The following ABCB10 variants were observed in gnomAD, a reference collection of about 807,000 sequenced individuals.
ABCB10 encodes ATP binding cassette subfamily B member 10.
Under a neutral mutation model 65.4 loss-of-function variants are expected in ABCB10, and 54 were observed. The observed-to-expected ratio is 0.83, with a 90% CI of 0.66 to 1.04. The LOEUF is 1.04. Among genes scored for constraint, ABCB10 ranks in the 50% least tolerant of loss-of-function variants. The pLI, the probability that ABCB10 is intolerant of heterozygous loss-of-function variation, is 0.00. For missense variants in ABCB10, 846 were observed against 976.6 expected, an observed-to-expected ratio of 0.87 and a Z score of 1.78; for synonymous variants, 418 against 406.5, an observed-to-expected ratio of 1.03 and a Z score of -0.34.
chr1:229,531,807 T>C, intron 6 of ABCB10, 76 bp from the exon 7 acceptor site: 2 of 1,111,732 alleles, frequency 1.8e-6, no homozygotes, highest in Non-Finnish European at 2.6e-6. Context: ...CTGAGAGGAG[T>C]GACAATGATT....
intron 1 of ABCB10, among the ~76,000 whole-genome samples, chr1:229,553,904 A>T (rs967551880): frequency 3.2e-4 from 49 of 152,224 alleles, no homozygotes; most frequent in African/African-American, 1.2e-3. Flanking sequence ...AGTAAACTAC[A>T]CACATATTCA....
chr1:229,535,388 A>G (rs1458398050), intron 6 of ABCB10, among the ~76,000 whole-genome samples: 2 of 152,240 alleles, frequency 1.3e-5, no homozygotes, highest in African/African-American at 4.8e-5. Context: ...ATGGAATATT[A>G]TTCAGTGCTA....
At chr1:229,535,037 T>TCAA (rs1662680078) in intron 6 of ABCB10, 1 of 63,564 alleles carries the variant, frequency 1.6e-5, no homozygotes, top group African/African-American at 8.5e-5. Context: ...GAGACTCCCT[T>TCAA]TAAAAAAAAA....
Position 229,527,117 on chromosome 1 carries a change from A to G in ABCB10, c.1725+112T>C. ...ATGTGAGATGAGCTTAATACATCCC[A>G]AAGACTTCCATTCCTTCTCTCTTGA... On this transcript the variant is annotated intron_variant, in intron 9 of 12. Transcript: ENST00000344517. 3 of 1,042,222 alleles carry G rather than the reference A, an allele frequency of 2.9e-6. No individual in the cohort carries two copies. The Admixed American group carries it at 6.6e-5, about 23-fold the overall frequency. The allele number at this position is 1,042,222 out of a possible 1,614,324, so 64.6% of individuals were successfully genotyped here. A position where few individuals can be genotyped will look rare whatever the true frequency, so the allele number is the denominator to read the frequency against.
chr1:229,547,881 C>G (rs1308659487), intron 2 of ABCB10, among the ~76,000 whole-genome samples, 180 bp from the exon 3 acceptor site: 1 of 152,170 alleles, frequency 6.6e-6, no homozygotes, highest in Non-Finnish European at 1.5e-5. Context: ...AAACCAGGCA[C>G]ATTAACTGTC....
intron 10 of ABCB10, among the ~76,000 whole-genome samples, 156 bp downstream of exon 10, chr1:229,525,780 C>T (rs1230424159): frequency 6.6e-6 from 1 of 151,950 alleles, no homozygotes; most frequent in Non-Finnish European, 1.5e-5. Context: ...TGCAGAGAGC[C>T]GAGATTGCGC....
intron 10 of ABCB10, among the ~76,000 whole-genome samples, chr1:229,524,517 G>T (rs1007523267): frequency 6.6e-6 from 1 of 152,082 alleles, no homozygotes; most frequent in East Asian, 1.9e-4. Context: ...AAAAAAAAAA[G>T]TGTTTAGCTG....
intron 6 of ABCB10, among the ~76,000 whole-genome samples, chr1:229,538,187 G>C (rs4148760): frequency 0.3 from 46,092 of 152,120 alleles, 8,775 homozygotes; most frequent in African/African-American, 0.54. Context: ...CCATTCTGTG[G>C]AAGGCACAGT....
chr1:229,558,173 G>C lies in ABCB10; in HGVS notation c.480C>G (p.Leu160=). 1 of 1,436,198 alleles carries C rather than the reference G, an allele frequency of 7.0e-7. No homozygotes were observed. Among genetic ancestry groups the C allele is most frequent in the South Asian group, 1.4e-5 (1 of 73,666 alleles). The allele number at this position is 1,436,198 out of a possible 1,614,324, so 89.0% of individuals were successfully genotyped here. A position where few individuals can be genotyped will look rare whatever the true frequency, so the allele number is the denominator to read the frequency against. ...GGCGCTCAGGGTACGCCAGCCCCAG[G>C]AGCTTCCGGGCCTCCGGGAGTCCGG... ...AAAGLPEARK[L]LGLAYPERRR... The change falls in exon 1 of 13, where the codon CTC becomes CTG. Residue 160 remains leucine (L), a synonymous_variant. Coordinates refer to ENST00000344517, the MANE Select transcript of ABCB10 (RefSeq NM_012089.3).
chr1:229,527,910 C>T (rs969096538), intron 8 of ABCB10, among the ~76,000 whole-genome samples: 30 of 152,172 alleles, frequency 2.0e-4, no homozygotes, highest in African/African-American at 5.5e-4. Context: ...CTTAAAATAT[C>T]CCTTTCTGTA....
intron 2 of ABCB10, among the ~76,000 whole-genome samples, chr1:229,549,011 A>G (rs374156284): frequency 2.0e-5 from 3 of 152,288 alleles, no homozygotes; most frequent in African/African-American, 7.2e-5. Context: ...TTGCCCTTAC[A>G]GCTCAACTTC....
intron 10 of ABCB10, 72 bp from the exon 11 acceptor site, chr1:229,521,707 A>AT: frequency 6.5e-7 from 1 of 1,535,424 alleles, no homozygotes; most frequent in East Asian, 2.3e-5. Flanking sequence ...ATGATAAACC[A>AT]TATAGCAATT....
intron 8 of ABCB10, 81 bp downstream of exon 8, chr1:229,530,118 G>T: frequency 2.9e-6 from 4 of 1,371,950 alleles, no homozygotes; most frequent in African/African-American, 1.4e-5. Flanking sequence ...TATTTGCATG[G>T]TTTGAGCATC....
At chr1:229,547,172 G>A (rs1662990292) in intron 3 of ABCB10, among the ~76,000 whole-genome samples, 1 of 152,172 alleles carries the variant, frequency 6.6e-6, no homozygotes, top group Non-Finnish European at 1.5e-5. Flanking sequence ...TCACCGCTTG[G>A]TGCCACCCAC....
chr1:229,530,543 G>T, intron 7 of ABCB10, 135 bp from the exon 8 acceptor site: 2 of 897,342 alleles, frequency 2.2e-6, no homozygotes, highest in Non-Finnish European at 3.4e-6. Flanking sequence ...CTCTTAAAGG[G>T]CAAGTCAGAA....
chr1:229,554,197 C>G (rs1461408208), intron 1 of ABCB10, among the ~76,000 whole-genome samples: 1 of 152,178 alleles, frequency 6.6e-6, no homozygotes, highest in East Asian at 1.9e-4. Context: ...GAGATGGAGG[C>G]TGAGTGAAGA....
intron 4 of ABCB10, 76 bp from the exon 5 acceptor site, chr1:229,540,828 T>A: frequency 6.8e-7 from 1 of 1,464,810 alleles, no homozygotes; most frequent in Non-Finnish European, 9.1e-7. Context: ...AAATAAAATG[T>A]GGTTCTCATT....
At chr1:229,531,898 T>C in intron 6 of ABCB10, 167 bp from the exon 7 acceptor site, 1 of 482,564 alleles carries the variant, frequency 2.1e-6, no homozygotes, top group Non-Finnish European at 3.6e-6. Context: ...TCAGAATTGC[T>C]TGTCTCATAC....
chr1:229,519,234 A>G (rs1662246305), intron 11 of ABCB10: 1 of 167,020 alleles, frequency 6.0e-6, no homozygotes, highest in Non-Finnish European at 1.3e-5. Context: ...AAAACCAATG[A>G]ATTTATTTTT....
Sources: allele counts gnomAD v4.1 joint callset (sites outside exome capture counted in the v4.1 genomes callset), GRCh38; gene constraint gnomAD v4.1.1; transcripts MANE v1.5; gene names NCBI Gene and HGNC (gene_info 2026-07-23, HGNC 2026-07-21).